The following AIG1 variants were observed in gnomAD, a reference collection of about 807,000 sequenced individuals.
AIG1 encodes androgen-induced gene 1 protein.
AIG1 carries 23 observed loss-of-function variants against 31.4 expected under a neutral mutation model. The ratio of observed to expected loss-of-function variants is 0.73; its 90% CI spans 0.53 to 1.04. AIG1 has a LOEUF of 1.04. AIG1 is among the 50% of genes least tolerant of loss of function. AIG1 has a pLI of 0.00. For missense variants in AIG1, 274 were observed against 295.0 expected, an observed-to-expected ratio of 0.93 and a Z score of 0.52; for synonymous variants, 100 against 110.5, an observed-to-expected ratio of 0.90 and a Z score of 0.60.
intron 2 of AIG1, among the ~76,000 whole-genome samples, chr6:143,146,047 A>T (rs1784675416): frequency 6.6e-6 from 1 of 152,198 alleles, no homozygotes; most frequent in African/African-American, 2.4e-5. Context: ...AAAGCTCCAT[A>T]TAAAATTTGT....
intron 3 of AIG1, among the ~76,000 whole-genome samples, chr6:143,246,257 G>C (rs945609141): frequency 1.8e-4 from 25 of 136,336 alleles, no homozygotes; most frequent in African/African-American, 6.6e-4. Context: ...ACATACCTGA[G>C]ACTGGGCAAT....
chr6:143,133,127 A>G (rs891822892), intron 1 of AIG1, among the ~76,000 whole-genome samples: 13 of 152,096 alleles, frequency 8.5e-5, no homozygotes, highest in Admixed American at 8.5e-4. Flanking sequence ...ATTGTGCGCT[A>G]TGTTGTTGAA....
chr6:143,165,283 C>A, intron 3 of AIG1, 100 bp downstream of exon 3: 1 of 906,040 alleles, frequency 1.1e-6, no homozygotes, highest in Non-Finnish European at 1.7e-6. Flanking sequence ...CCTAAAAAGC[C>A]ATGAAATCTT....
chr6:143,119,926 T>C (rs1782097973), intron 1 of AIG1, among the ~76,000 whole-genome samples: 1 of 152,164 alleles, frequency 6.6e-6, no homozygotes, highest in East Asian at 1.9e-4. Flanking sequence ...TATTAATATG[T>C]CCTTTTTTAT....
intron 3 of AIG1, chr6:143,190,312 C>T (rs753395001): frequency 2.0e-6 from 2 of 985,314 alleles, no homozygotes; most frequent in Non-Finnish European, 1.2e-6. Flanking sequence ...AGACAAGGCC[C>T]AGGCCCAGTG....
intron 3 of AIG1, among the ~76,000 whole-genome samples, chr6:143,254,494 G>A (rs1342983342): frequency 6.6e-6 from 1 of 152,094 alleles, no homozygotes; most frequent in Non-Finnish European, 1.5e-5. Context: ...TGTTTTATCT[G>A]CAAACACAAC....
chr6:143,126,279 A>G (rs1488959506), intron 1 of AIG1: 1 of 152,204 alleles, frequency 6.6e-6, no homozygotes, highest in African/African-American at 2.4e-5. Flanking sequence ...GTAGCATTCA[A>G]ATATGTAACT....
chr6:143,248,714 G>A (rs1202428723), intron 3 of AIG1, among the ~76,000 whole-genome samples: 1 of 152,140 alleles, frequency 6.6e-6, no homozygotes, highest in Admixed American at 6.5e-5. Context: ...GCAAAAAATA[G>A]GTGTGCTTCA....
At chr6:143,277,440 G>A (rs970599763) in intron 3 of AIG1, among the ~76,000 whole-genome samples, 1 of 152,148 alleles carries the variant, frequency 6.6e-6, no homozygotes, top group Non-Finnish European at 1.5e-5. Context: ...AAGAATACAG[G>A]TGCACAGTAA....
At chr6:143,208,080 G>A (rs910588501) in intron 3 of AIG1, among the ~76,000 whole-genome samples, 1 of 152,184 alleles carries the variant, frequency 6.6e-6, no homozygotes, top group African/African-American at 2.4e-5. Context: ...GGAATGCACT[G>A]TAGAGGCTTT....
chr6:143,316,093 C>T (rs1307664017), intron 4 of AIG1, among the ~76,000 whole-genome samples: 2 of 151,976 alleles, frequency 1.3e-5, no homozygotes, highest in East Asian at 1.9e-4. Flanking sequence ...AGGAGGTCTC[C>T]AGCCTTGGCC....
At chr6:143,202,533 C>G (rs1345721860) in intron 3 of AIG1, among the ~76,000 whole-genome samples, 1 of 152,146 alleles carries the variant, frequency 6.6e-6, no homozygotes, top group Non-Finnish European at 1.5e-5. Context: ...GGACTAAAGC[C>G]TGACAATTCT....
chr6:143,263,470 C>T (rs1047515617), intron 3 of AIG1, among the ~76,000 whole-genome samples: 4 of 152,032 alleles, frequency 2.6e-5, no homozygotes, highest in African/African-American at 4.8e-5. Flanking sequence ...CCTGTACATA[C>T]ACCACATTTT....
At chr6:143,219,989 G>A (rs1025371564) in intron 3 of AIG1, among the ~76,000 whole-genome samples, 1 of 152,120 alleles carries the variant, frequency 6.6e-6, no homozygotes, top group Non-Finnish European at 1.5e-5. Flanking sequence ...TTTGTCCTGT[G>A]AACTGTGCTG....
chr6:143,104,270 A>G (rs1269488487), intron 1 of AIG1, among the ~76,000 whole-genome samples: 2 of 152,254 alleles, frequency 1.3e-5, no homozygotes, highest in Non-Finnish European at 2.9e-5. Flanking sequence ...TACCGTGCTT[A>G]GAGCCTATTA....
downstream of AIG1, chr6:143,342,788 T>C: frequency 1.2e-6 from 1 of 804,986 alleles, no homozygotes; most frequent in Non-Finnish European, 2.3e-6. Context: ...GTATTCTGTT[T>C]GTGGAGAGTA....
At chr6:143,068,762 G>A (rs1399620172) in intron 1 of AIG1, among the ~76,000 whole-genome samples, 1 of 124,936 alleles carries the variant, frequency 8.0e-6, no homozygotes, top group East Asian at 2.1e-4. Flanking sequence ...TGGAACTTTA[G>A]TACATACAGG....
At chr6:143,343,244 A>G (rs1377070494), downstream of AIG1, 5 of 660,654 alleles carry the variant, frequency 7.6e-6, no homozygotes, top group Non-Finnish European at 1.5e-5. Context: ...ATTATGCAGC[A>G]CATCTTGGGG....
intron 1 of AIG1, among the ~76,000 whole-genome samples, chr6:143,119,694 T>C (rs914713018): frequency 2.6e-5 from 4 of 152,200 alleles, no homozygotes; most frequent in Admixed American, 6.5e-5. Flanking sequence ...AGTAAGGACC[T>C]TGGGAAGAAG....
Sources: gnomAD v4.1 joint callset for allele counts (sites outside exome capture counted in the v4.1 genomes callset) on GRCh38, gnomAD v4.1.1 for gene constraint, MANE v1.5 for transcripts, NCBI Gene and HGNC (gene_info 2026-07-23, HGNC 2026-07-21) for gene names.